The following ABCC10 variants were observed in gnomAD, a reference collection of about 807,000 sequenced individuals.
ABCC10 encodes the protein ATP binding cassette subfamily C member 10, also known as ATP-binding cassette sub-family C member 10.
Under a neutral mutation model 143.2 loss-of-function variants are expected in ABCC10, and 110 were observed. The ratio of observed to expected loss-of-function variants is 0.77; its 90% CI spans 0.66 to 0.90. The LOEUF is 0.90. ABCC10 is among the 40% of genes least tolerant of loss of function. The probability of loss-of-function intolerance (pLI) is 0.00; values close to 1 mark genes in which losing one functional copy is unlikely to be tolerated. For missense variants in ABCC10, 1,700 were observed against 1,900.5 expected (o/e 0.89, Z 1.96); for synonymous variants, 805 against 846.7 (o/e 0.95, Z 0.85).
chr6:43,449,787 C>T (rs1783567620), intron 21 of ABCC10, 142 bp from the exon 22 acceptor site: 1 of 1,042,176 alleles, frequency 9.6e-7, no homozygotes, highest in African/African-American at 1.6e-5. Flanking sequence ...CTCTGCAGTC[C>T]CTTCCCCAGC....
In ABCC10 at chr6:43,443,397, A is replaced by C. The variant is rs567328281; in HGVS notation, c.2416+238A>C. 29 of 449,622 alleles carry C rather than the reference A, an allele frequency of 6.4e-5. 1 individual carries two copies. In the South Asian group the frequency reaches 9.8e-4, roughly 15 times the overall value. The allele number at this position is 449,622 out of a possible 1,614,324, so 27.9% of individuals were successfully genotyped here. A position where few individuals can be genotyped will look rare whatever the true frequency, so the allele number is the denominator to read the frequency against. ...TGACTGGGTGCTCTTGGGAACTTAA[A>C]GGCCCAGGGTCTCTGAGAACATTCT... On this transcript the variant is annotated intron_variant, in intron 10 of 21. Transcript: ENST00000372530. The surrounding 1 kb of genome is among the most constrained non-coding windows in gnomAD (Gnocchi z 4.2).
In ABCC10 at chr6:43,450,216, A is replaced by G; in HGVS notation, c.*125A>G. 8.3e-7 allele frequency: 1 copy of G among 1,211,916 alleles called. No individual in the cohort carries two copies. Among genetic ancestry groups the G allele is most frequent in the Non-Finnish European group, 1.1e-6 (1 of 872,686 alleles). 75.1% of individuals were successfully genotyped at this position (1,211,916 alleles called of 1,614,324 possible). A position where few individuals can be genotyped will look rare whatever the true frequency, so the allele number is the denominator to read the frequency against. ...ACCTCTCCACACTTCCCCAGAAGGG[A>G]AAAGGGCACCCTGGATTACTCTTTG... On this transcript the variant is annotated 3_prime_UTR_variant, in exon 22 of 22. Transcript: ENST00000372530. This position sits in a 1 kb window ranked among gnomAD's most constrained non-coding sequence, Gnocchi z 4.5.
At chr6:43,446,518 A>G in intron 16 of ABCC10, 72 bp downstream of exon 16, 2 of 1,512,434 alleles carry the variant, frequency 1.3e-6, no homozygotes, top group Non-Finnish European at 1.8e-6. Flanking sequence ...CTCTCCCTGC[A>G]CCATCCCCCC....
intron 8 of ABCC10, 85 bp from the exon 9 acceptor site, chr6:43,441,777 C>A: frequency 1.8e-6 from 2 of 1,115,500 alleles, no homozygotes; most frequent in Non-Finnish European, 2.6e-6. Flanking sequence ...CTTCTCTTGA[C>A]TCCCACTATC....
rs201071674 is a variant in ABCC10 at position 43,445,221 on chromosome 6, C to G, written c.2937C>G (p.Ser979=). The change falls in exon 14 of 22, where the codon TCC becomes TCG. Residue 979 remains serine, a synonymous_variant. Coordinates refer to ENST00000372530, the MANE Select transcript of ABCC10 (RefSeq NM_001198934.2). ...ATGCGACCATTGCTGGTGTAAATTC[C>G]CTCTGCACCCTTCTCCGGGCAGTGC... ...TVYATIAGVN[S]LCTLLRAVLF... 2.5e-6 allele frequency: 4 copies of G among 1,614,078 alleles called. No individual in the cohort carries two copies. The East Asian group carries it at 8.9e-5, about 36-fold the overall frequency.
chr6:43,427,784 C>A (rs1780659349), intron 1 of ABCC10, 27 bp downstream of exon 1: 3 of 648,426 alleles, frequency 4.6e-6, no homozygotes, highest in Non-Finnish European at 8.2e-6. Context: ...CAGAAATCCA[C>A]TGGGGAAACC....
In ABCC10 at chr6:43,444,265, C is replaced by T. The variant is rs373631146; in HGVS notation, c.2601C>T (p.Ala867=). The change falls in exon 12 of 22, where the codon GCC becomes GCT. Residue 867 remains alanine (A), a synonymous_variant. Coordinates refer to ENST00000372530, the MANE Select transcript of ABCC10 (RefSeq NM_001198934.2). ...AGGAAGAAAGCAAGAAGGAGGGCGC[C>T]GTGGCCTTGCACGTGTACCAAGCTT... ...LLQEESKKEG[A]VALHVYQAYW... 224 of 1,614,136 alleles carry T rather than the reference C, an allele frequency of 1.4e-4. No homozygotes were observed. The highest frequency in any genetic ancestry group is 1.2e-3 in the South Asian group (108 of 91,086).
intron 3 of ABCC10, 102 bp downstream of exon 3, chr6:43,433,462 A>G (rs1048262559): frequency 6.9e-7 from 1 of 1,444,080 alleles, no homozygotes; most frequent in Non-Finnish European, 9.1e-7. Flanking sequence ...GAGTGACCTC[A>G]AAGTTAAGAG....
rs555499684 is a variant in ABCC10 at position 43,439,784 on chromosome 6, A to G, written c.2127+989A>G. On this transcript the variant is annotated intron_variant, in intron 8 of 21. Coordinates refer to ENST00000372530, the MANE Select transcript of ABCC10 (RefSeq NM_001198934.2). ...TTTCTAGTAGAAACAGGGTTTCACC[A>G]TGTTGGCCAGAATGGTCTCCATCTC... Among the ~76,000 whole-genome samples, 177 of 152,034 alleles carry G rather than the reference A, an allele frequency of 1.2e-3. 1 individual carries two copies. The highest frequency in any genetic ancestry group is 2.0e-3 in the Non-Finnish European group (135 of 67,970).
At position 43,433,281 on chromosome 6, in the gene ABCC10, T is replaced by G; in HGVS notation, c.1301T>G (p.Val434Gly). 6.2e-7 allele frequency: 1 copy of G among 1,614,186 alleles called. No homozygotes were observed. Among genetic ancestry groups the G allele is most frequent in the Non-Finnish European group, 8.5e-7 (1 of 1,180,016 alleles). The change falls in exon 3 of 22, where the codon GTA (valine) becomes GGA (glycine). Residue 434 changes from valine (V) to glycine (G), a missense_variant. Transcript: ENST00000372530. ...VGGLILALLL[V>G]PVNKVIATRI... ...GGTCTCATCTTGGCACTGCTGCTGG[T>G]ACCCGTCAACAAAGTGATTGCCACC...
chr6:43,431,271 T>C (rs1400455393), intron 2 of ABCC10, among the ~76,000 whole-genome samples: 1 of 152,264 alleles, frequency 6.6e-6, no homozygotes, highest in Non-Finnish European at 1.5e-5. Flanking sequence ...CATTTAATAG[T>C]GCTTCAGGTG....
chr6:43,432,360 A>G lies in ABCC10; in HGVS notation c.380A>G (p.His127Arg), dbSNP rs1781228924. The change falls in exon 3 of 22, where the codon CAT (histidine) becomes CGT (arginine). Residue 127 changes from histidine (H) to arginine (R), a missense_variant. Physicochemically the swap from His to Arg is conservative, Grantham distance 29. Coordinates refer to ENST00000372530, the MANE Select transcript of ABCC10 (RefSeq NM_001198934.2). ...LALWVLAHSPHGHSRGPLALA... is the reference protein window; with the variant it reads ...LALWVLAHSPRGHSRGPLALA... The stretch of plus-strand genomic sequence containing the variant: ...CTGTGGGTGTTGGCACATTCCCCTC[A>G]TGGCCACTCCCGGGGTCCCTTGGCC... 1 of 1,613,484 alleles carries G rather than the reference A, an allele frequency of 6.2e-7. No individual in the cohort carries two copies. Among genetic ancestry groups the G allele is most frequent in the Non-Finnish European group, 8.5e-7 (1 of 1,180,016 alleles).
At chr6:43,436,906 A>C (rs1242765472) in intron 6 of ABCC10, among the ~76,000 whole-genome samples, 2 of 152,228 alleles carry the variant, frequency 1.3e-5, no homozygotes, top group African/African-American at 4.8e-5. Flanking sequence ...AGACAAGGCT[A>C]GATTTGTACA....
chr6:43,440,726 G>T (rs1226012945), intron 8 of ABCC10, among the ~76,000 whole-genome samples: 2 of 152,040 alleles, frequency 1.3e-5, no homozygotes, highest in African/African-American at 2.4e-5. Flanking sequence ...GCTGGGCGTG[G>T]TCGTGGGCAC....
chr6:43,451,868 C>T (rs1461348022), downstream of ABCC10: 34 of 1,582,426 alleles, frequency 2.1e-5, no homozygotes, highest in Middle Eastern at 2.1e-4. The surrounding 1 kb of genome is among the most constrained non-coding windows in gnomAD (Gnocchi z 4.4). Flanking sequence ...TCCCAACAGT[C>T]CTGCCTCTTT....
chr6:43,429,372 T>TTTTGTGTGTGTG lies in ABCC10; in HGVS notation c.161+1234_161+1235insTTGTGTGTGTGT, dbSNP rs1780869728. Among the ~76,000 whole-genome samples, 31 of 98,240 alleles carry TTTTGTGTGTGTG rather than the reference T, an allele frequency of 3.2e-4. 1 individual carries two copies. Among genetic ancestry groups the TTTTGTGTGTGTG allele is most frequent in the African/African-American group, 1.3e-3 (26 of 19,480 alleles). 64.4% of individuals were successfully genotyped at this position (98,240 alleles called of 152,430 possible). A position where few individuals can be genotyped will look rare whatever the true frequency, so the allele number is the denominator to read the frequency against. On this transcript the variant is annotated intron_variant, in intron 2 of 21. Coordinates refer to ENST00000372530, the MANE Select transcript of ABCC10 (RefSeq NM_001198934.2). ...TTCTTTTCTTTCTTTCTTTTCTTTC[T>TTTTGTGTGTGTG]TGTGTGTGTGTGTGTGTGTGTGTGT...
chr6:43,433,433 A>C (rs1781349445), intron 3 of ABCC10, 73 bp downstream of exon 3: 1 of 1,497,196 alleles, frequency 6.7e-7, no homozygotes, highest in Non-Finnish European at 8.9e-7. Flanking sequence ...CTTCCCATGC[A>C]CACTACCTGA....
chr6:43,434,667 G>C lies in ABCC10; in HGVS notation c.1427G>C (p.Gly476Ala). 1 of 1,614,174 alleles carries C rather than the reference G, an allele frequency of 6.2e-7. No homozygotes were observed. Among genetic ancestry groups the C allele is most frequent in the Non-Finnish European group, 8.5e-7 (1 of 1,180,042 alleles). The change falls in exon 4 of 22, where the codon GGG becomes GCG. Residue 476 changes from glycine (G) to alanine (A), a missense_variant. Gly to Ala is a moderately conservative substitution (Grantham distance 60, BLOSUM62 0). Transcript: ENST00000372530. ...LSGIRVIKFC[G>A]WEQALGARVE... ...GGCATTCGGGTCATCAAGTTCTGCG[G>C]GTGGGAGCAGGCACTGGGAGCCCGA...
chr6:43,435,588 T>G (rs1282889234), intron 4 of ABCC10, among the ~76,000 whole-genome samples, 163 bp from the exon 5 acceptor site: 1 of 152,130 alleles, frequency 6.6e-6, no homozygotes, highest in Non-Finnish European at 1.5e-5. Flanking sequence ...CTAGGATTCT[T>G]TAAGTGACCA....
Sources: allele counts gnomAD v4.1 joint callset (sites outside exome capture counted in the v4.1 genomes callset), GRCh38; gene constraint gnomAD v4.1.1; non-coding constraint Gnocchi (gnomAD v3.1); transcripts MANE v1.5; gene names NCBI Gene and HGNC (gene_info 2026-07-23, HGNC 2026-07-21).